Variants in SCAPER observed in about 807,000 individuals in gnomAD.
The protein encoded by SCAPER is S-phase cyclin A associated protein in the ER.
Under a neutral mutation model 182.2 loss-of-function variants are expected in SCAPER, and 98 were observed. The ratio of observed to expected loss-of-function variants is 0.54; its 90% CI spans 0.46 to 0.64. The LOEUF (loss-of-function observed/expected upper bound fraction) is 0.64. SCAPER is among the 30% of genes least tolerant of loss of function. The pLI is 0.00. For synonymous variants in SCAPER, 605 were observed against 564.6 expected (o/e 1.07, Z -1.01); for missense variants, 1,432 against 1,690.0 (o/e 0.85, Z 2.68).
intron 5 of SCAPER, among the ~76,000 whole-genome samples, chr15:76,840,632 C>T (rs1054500389): frequency 1.3e-5 from 2 of 152,108 alleles, no homozygotes; most frequent in African/African-American, 4.8e-5. Flanking sequence ...TCTTTAACCC[C>T]TCATATATTT....
At chr15:76,661,994 T>A (rs541353692) in intron 21 of SCAPER, among the ~76,000 whole-genome samples, 1 of 152,250 alleles carries the variant, frequency 6.6e-6, no homozygotes, top group South Asian at 2.1e-4. Flanking sequence ...TGGAATACTA[T>A]ACAGTCATAA....
intron 26 of SCAPER, among the ~76,000 whole-genome samples, chr15:76,410,602 T>C (rs1377716273): frequency 6.6e-6 from 1 of 152,140 alleles, no homozygotes; most frequent in African/African-American, 2.4e-5. Flanking sequence ...TTGCTTCCAC[T>C]CTAATTGTTA....
chr15:76,572,913 T>TCACACA (rs1481190270), intron 23 of SCAPER, among the ~76,000 whole-genome samples: 5,127 of 119,166 alleles, frequency 0.043, 112 homozygotes, highest in African/African-American at 0.067. Flanking sequence ...TCTCTCTCTC[T>TCACACA]CTCTCTCACA....
At chr15:76,770,052 C>A in intron 10 of SCAPER, among the ~76,000 whole-genome samples, 1 of 151,978 alleles carries the variant, frequency 6.6e-6, no homozygotes, top group South Asian at 2.1e-4. Context: ...ATGTCCTTTG[C>A]AGGGACATGG....
At chr15:76,723,256 T>C (rs2060370690) in intron 17 of SCAPER, among the ~76,000 whole-genome samples, 1 of 152,254 alleles carries the variant, frequency 6.6e-6, no homozygotes, top group African/African-American at 2.4e-5. Context: ...AGTTTCTTAA[T>C]CCTGAGTTCT....
chr15:76,537,322 G>C lies in SCAPER; in HGVS notation c.2839-32348C>G, dbSNP rs376481767. ...ACGCTACCTGACTTCAAACTATACT[G>C]CAAGGCTACAGTAACCAAAACAGCA... On this transcript the variant is annotated intron_variant, in intron 23 of 31. Transcript: ENST00000563290. 2.6e-5 allele frequency among the ~76,000 whole-genome samples: 4 copies of C among 151,950 alleles called. No individual in the cohort carries two copies. In the East Asian group the frequency reaches 7.7e-4, roughly 29 times the overall value.
chr15:76,463,187 G>A (rs1483061787), intron 25 of SCAPER, among the ~76,000 whole-genome samples: 1 of 152,124 alleles, frequency 6.6e-6, no homozygotes, highest in Non-Finnish European at 1.5e-5. Context: ...AGTGAGGAAA[G>A]AAGGAAACAA....
chr15:76,887,672 C>T (rs954704729), intron 1 of SCAPER, among the ~76,000 whole-genome samples: 4 of 152,192 alleles, frequency 2.6e-5, no homozygotes, highest in African/African-American at 4.8e-5. Flanking sequence ...GCAGAGCCCC[C>T]CAACAGCTCA....
chr15:76,579,801 A>G (rs1221469707), intron 22 of SCAPER, among the ~76,000 whole-genome samples: 1 of 152,132 alleles, frequency 6.6e-6, no homozygotes, highest in Non-Finnish European at 1.5e-5. Context: ...ATAAAGACAC[A>G]CAGACTGAAA....
intron 21 of SCAPER, among the ~76,000 whole-genome samples, chr15:76,650,184 TAA>T (rs2054903747): frequency 1.3e-5 from 2 of 151,786 alleles, no homozygotes; most frequent in African/African-American, 4.8e-5. Context: ...ACACTAAAAA[TAA>T]AAAGTGGTAG....
rs554200038 is a variant in SCAPER, at chr15:76,448,545, G to A, written c.3079-14235C>T. Among the ~76,000 whole-genome samples the A allele has an allele frequency of 5.9e-5, 9 of 152,214 alleles. No homozygotes were observed. The South Asian group carries it at 1.7e-3, about 28-fold the overall frequency. On this transcript the variant is annotated intron_variant, in intron 25 of 31. Transcript: ENST00000563290. ...GGGACCATCGGTGTATGAGAAAACA[G>A]CTGAAACAAACGGCATGCTGTTTGT...
chr15:76,794,383 G>A (rs1364960111), intron 8 of SCAPER, among the ~76,000 whole-genome samples: 2 of 152,158 alleles, frequency 1.3e-5, no homozygotes, highest in East Asian at 1.9e-4. Flanking sequence ...TACGTTTTCT[G>A]ATTGTGTATT....
At chr15:76,808,687 T>C (rs968967455) in intron 5 of SCAPER, among the ~76,000 whole-genome samples, 1 of 152,234 alleles carries the variant, frequency 6.6e-6, no homozygotes, top group Non-Finnish European at 1.5e-5. Context: ...TAAATGTGCA[T>C]GTGGGGACTA....
At chr15:76,632,768 CTTTTTTTTT>C (rs1188058843) in intron 21 of SCAPER, among the ~76,000 whole-genome samples, 1 of 104,532 alleles carries the variant, frequency 9.6e-6, no homozygotes, top group South Asian at 3.1e-4. Context: ...AGGCTGCTGA[CTTTTTTTTT>C]TTTTTTTTTT....
intron 26 of SCAPER, among the ~76,000 whole-genome samples, chr15:76,428,753 T>C (rs1369445251): frequency 1.3e-5 from 2 of 151,180 alleles, no homozygotes; most frequent in African/African-American, 4.9e-5. Context: ...CGGTTAACAG[T>C]AAAGTGTTGT....
At chr15:76,635,990 A>G (rs895327969) in intron 21 of SCAPER, among the ~76,000 whole-genome samples, 8 of 152,206 alleles carry the variant, frequency 5.3e-5, no homozygotes, top group African/African-American at 1.2e-4. Flanking sequence ...ACCTATATTC[A>G]TAAGGGACAT....
chr15:76,803,103 A>AT (rs773869732), intron 6 of SCAPER, among the ~76,000 whole-genome samples: 7 of 152,100 alleles, frequency 4.6e-5, no homozygotes, highest in Non-Finnish European at 8.8e-5. Context: ...AAAACCCTTT[A>AT]TTGGCTCAAA....
Position 76,604,102 on chromosome 15 carries a change from G to A in SCAPER, c.2711+17662C>T, listed in dbSNP as rs1377839014. ...TTTTAGACATGAAGTCCTTGCCCAT[G>A]CCTATGTCCTGAATGGTATTGCCTA... On this transcript the variant is annotated intron_variant, in intron 22 of 31. Coordinates refer to ENST00000563290, the MANE Select transcript of SCAPER (RefSeq NM_020843.4). 1.7e-5 allele frequency among the ~76,000 whole-genome samples: 2 copies of A among 120,134 alleles called. 1 individual carries two copies. The highest frequency in any genetic ancestry group is 4.0e-5 in the Non-Finnish European group (2 of 49,596). 78.8% of individuals were successfully genotyped at this position (120,134 alleles called of 152,430 possible). A position where few individuals can be genotyped will look rare whatever the true frequency, so the allele number is the denominator to read the frequency against.
intron 15 of SCAPER, among the ~76,000 whole-genome samples, chr15:76,733,756 AAAAGAAAG>A (rs559159624): frequency 6.6e-6 from 1 of 152,034 alleles, no homozygotes; most frequent in Non-Finnish European, 1.5e-5. Flanking sequence ...TCCATATCAA[AAAAGAAAG>A]AAAGAAAGAA....
Sources: gnomAD v4.1 joint callset for allele counts (sites outside exome capture counted in the v4.1 genomes callset) on GRCh38, gnomAD v4.1.1 for gene constraint, MANE v1.5 for transcripts, NCBI Gene and HGNC (gene_info 2026-07-23, HGNC 2026-07-21) for gene names.